The following IL1F10 variants were observed in gnomAD, a reference collection of about 807,000 sequenced individuals.
IL1F10 encodes interleukin 1 family member 10, also known as interleukin-1 family member 10.
In IL1F10, 13 loss-of-function variants were observed where a neutral mutation model predicts 13.1. The observed-to-expected ratio is 0.99, with a 90% CI of 0.64 to 1.57. IL1F10 has a LOEUF of 1.57. IL1F10 is among the 40% of genes most tolerant of loss of function. The probability of loss-of-function intolerance (pLI) is 0.00; values close to 1 mark genes in which losing one functional copy is unlikely to be tolerated. For missense variants in IL1F10, 191 were observed against 184.1 expected (o/e 1.04, Z -0.22); for synonymous variants, 78 against 68.2 (o/e 1.14, Z -0.71).
At position 113,074,371 on chromosome 2, in the gene IL1F10, C is replaced by T. The variant is rs1685896218; in HGVS notation, c.75C>T (p.Gly25=). 1 of 1,613,802 alleles carries T rather than the reference C, an allele frequency of 6.2e-7. No individual in the cohort carries two copies. Among genetic ancestry groups the T allele is most frequent in the Non-Finnish European group, 8.5e-7 (1 of 1,179,704 alleles). ...ADQKALYTRD[G]QLLVGDPVAD... is the part of the protein sequence containing the mutation. ...AGAAGGCTCTATACACAAGAGATGG[C>T]CAGCTGCTGGTGGGAGATCCTGTTG... Residue 25 remains glycine, a synonymous_variant, in exon 3 of 5, where the codon GGC becomes GGT. Coordinates refer to ENST00000341010, the MANE Select transcript of IL1F10 (RefSeq NM_173161.3).
intron 2 of IL1F10, among the ~76,000 whole-genome samples, chr2:113,073,355 T>A (rs1162461195): frequency 6.6e-6 from 1 of 152,220 alleles, no homozygotes; most frequent in Non-Finnish European, 1.5e-5. Context: ...GGGATGCATT[T>A]CCTCTGCCCC....
intron 4 of IL1F10, 138 bp downstream of exon 4, chr2:113,074,988 C>T: frequency 8.0e-7 from 1 of 1,252,222 alleles, no homozygotes; most frequent in Non-Finnish European, 1.1e-6. Flanking sequence ...CCATCTCCCT[C>T]TGCACCTAGC....
In IL1F10 at chr2:113,074,794, G is replaced by C; in HGVS notation, c.190G>C (p.Gly64Arg). The part of the protein sequence containing the change: ...KVPIFLGIQG[G>R]SRCLACVETE... ...CCCCATTTTCCTGGGGATCCAGGGA[G>C]GGAGCCGCTGCCTGGCATGTGTGGA... Residue 64 changes from glycine (G) to arginine (R), a missense_variant, in exon 4 of 5, where the codon GGG (glycine) becomes CGG (arginine). By Grantham distance (125) the Gly-to-Arg change is moderately radical. Coordinates refer to ENST00000341010, the MANE Select transcript of IL1F10 (RefSeq NM_173161.3). The C allele has an allele frequency of 6.2e-7, 1 of 1,613,782 alleles. No individual in the cohort carries two copies. Among genetic ancestry groups the C allele is most frequent in the Non-Finnish European group, 8.5e-7 (1 of 1,180,018 alleles).
chr2:113,074,495 G>T lies in IL1F10; in HGVS notation c.118+81G>T, dbSNP rs13406688. On this transcript the variant is annotated intron_variant, in intron 3 of 4. Coordinates refer to ENST00000341010, the MANE Select transcript of IL1F10 (RefSeq NM_173161.3). Reference sequence around the variant, plus strand: ...TTCTTCCCTTTCCTCCCCAGCAGAGGGTCAGCAGCTGCCCCCAGTGACAGT... The same window carrying T: ...TTCTTCCCTTTCCTCCCCAGCAGAGTGTCAGCAGCTGCCCCCAGTGACAGT... 6,362 of 1,228,542 alleles carry T rather than the reference G, an allele frequency of 5.2e-3. 254 individuals are homozygous for T. In the African/African-American group the frequency reaches 0.085, roughly 16 times the overall value. The allele number at this position is 1,228,542 out of a possible 1,614,324, so 76.1% of individuals were successfully genotyped here.
Position 113,068,665 on chromosome 2 carries a change from G to A in IL1F10, c.-29+649G>A, listed in dbSNP as rs1344555119. Among the ~76,000 whole-genome samples, 5 of 152,150 alleles carry A rather than the reference G, an allele frequency of 3.3e-5. No homozygotes were observed. In the East Asian group the frequency reaches 9.6e-4, roughly 29 times the overall value. ...TCTGCTCTGTGTGTTTCTATGTCCT[G>A]GCCACAAGGACCAGGGTAGTTCAAT... On this transcript the variant is annotated intron_variant, in intron 1 of 4. Coordinates refer to ENST00000341010, the MANE Select transcript of IL1F10 (RefSeq NM_173161.3).
chr2:113,070,715 T>C (rs941945723), intron 1 of IL1F10, among the ~76,000 whole-genome samples: 1 of 152,194 alleles, frequency 6.6e-6, no homozygotes, highest in Non-Finnish European at 1.5e-5. Context: ...ACCAGCAGCA[T>C]TGACATCACC....
chr2:113,072,535 G>T (rs1403614127), intron 1 of IL1F10, 176 bp from the exon 2 acceptor site: 3 of 545,922 alleles, frequency 5.5e-6, no homozygotes, highest in Non-Finnish European at 6.5e-6. Flanking sequence ...GAGAGGCAGA[G>T]CTGCCTGGAG....
chr2:113,074,640 C>T (rs1558848415), intron 3 of IL1F10, 83 bp from the exon 4 acceptor site: 1 of 1,553,736 alleles, frequency 6.4e-7, no homozygotes, highest in Non-Finnish European at 8.9e-7. Flanking sequence ...TGTCCAGTTC[C>T]TTCCTGCCTG....
chr2:113,074,954 A>G, intron 4 of IL1F10, 104 bp downstream of exon 4: 3 of 1,424,702 alleles, frequency 2.1e-6, no homozygotes, highest in Non-Finnish European at 9.7e-7. Flanking sequence ...CCAGGTCCAC[A>G]TGTCCTACTT....
At chr2:113,071,157 G>A (rs28928286) in intron 1 of IL1F10, among the ~76,000 whole-genome samples, 11,791 of 152,276 alleles carry the variant, frequency 0.077, 1,254 homozygotes, top group African/African-American at 0.23. Flanking sequence ...GTGTCTCTAT[G>A]TGTGGATTTA....
rs1685860229 is a variant in IL1F10, at chr2:113,072,699, C to T, written c.-28-12C>T. ...CCTCCTTTTCTAACTGCCCTTCTCT[C>T]CTCCCCATCAGTGAGGACCAGACAC... On this transcript the variant is annotated splice_polypyrimidine_tract_variant and intron_variant, in intron 1 of 4. Transcript: ENST00000341010. 1 of 1,595,482 alleles carries T rather than the reference C, an allele frequency of 6.3e-7. No homozygotes were observed.
chr2:113,071,193 T>A (rs557411906), intron 1 of IL1F10, among the ~76,000 whole-genome samples: 185 of 152,370 alleles, frequency 1.2e-3, no homozygotes, highest in African/African-American at 4.2e-3. Flanking sequence ...TACACTTGAT[T>A]TATAATCTGC....
chr2:113,073,750 G>A (rs1414810829), intron 2 of IL1F10, among the ~76,000 whole-genome samples: 1 of 152,290 alleles, frequency 6.6e-6, no homozygotes, highest in Admixed American at 6.5e-5. Flanking sequence ...TTTGTCCAGA[G>A]GTTCTGCCCT....
chr2:113,072,118 G>A (rs1191341140), intron 1 of IL1F10, among the ~76,000 whole-genome samples: 1 of 152,194 alleles, frequency 6.6e-6, no homozygotes, highest in Non-Finnish European at 1.5e-5. Flanking sequence ...GGGGAGTTTG[G>A]ATGGGCTGTT....
rs748868234 is a variant in IL1F10, at chr2:113,075,272, T to C, written c.367T>C (p.Cys123Arg). Reference sequence around the variant, plus strand: ...TGCTGCCTGGCCTGGCTGGTTCCTGTGTGGCCCGGCAGAGCCCCAGCAGCC... The same window carrying C: ...TGCTGCCTGGCCTGGCTGGTTCCTGCGTGGCCCGGCAGAGCCCCAGCAGCC... ...EAAAWPGWFLCGPAEPQQPVQ... is the reference protein window; with the variant it reads ...EAAAWPGWFLRGPAEPQQPVQ... Residue 123 changes from cysteine to arginine, a missense_variant, in exon 5 of 5, where the codon TGT (cysteine) becomes CGT (arginine). By Grantham distance (180) the Cys-to-Arg change is radical. Coordinates refer to ENST00000341010, the MANE Select transcript of IL1F10 (RefSeq NM_173161.3). The C allele has an allele frequency of 1.3e-5, 21 of 1,612,700 alleles. No individual in the cohort carries two copies. Among genetic ancestry groups the C allele is most frequent in the Non-Finnish European group, 1.7e-6 (2 of 1,179,052 alleles).
In IL1F10 at chr2:113,072,788, G is replaced by C. The variant is rs373769142; in HGVS notation, c.32+18G>C. On this transcript the variant is annotated intron_variant, in intron 2 of 4. Transcript: ENST00000341010. ...TACTACATGTAAGTTGTCCTGGCATGTCCCTGCTTTCCAAGCCAGGGGGTC... is the reference window on the plus strand; with the variant it reads ...TACTACATGTAAGTTGTCCTGGCATCTCCCTGCTTTCCAAGCCAGGGGGTC... 3.7e-6 allele frequency: 6 copies of C among 1,610,588 alleles called. No homozygotes were observed. The highest frequency in any genetic ancestry group is 5.1e-6 in the Non-Finnish European group (6 of 1,177,634).
At chr2:113,073,002 T>C (rs1685867105) in intron 2 of IL1F10, among the ~76,000 whole-genome samples, 1 of 152,216 alleles carries the variant, frequency 6.6e-6, no homozygotes, top group South Asian at 2.1e-4. Flanking sequence ...GGAGTGTTAT[T>C]AAACCCATTT....
Position 113,074,928 on chromosome 2 carries a change from A to G in IL1F10, c.246+78A>G, listed in dbSNP as rs554146850. 238 of 1,539,934 alleles carry G rather than the reference A, an allele frequency of 1.5e-4. No individual in the cohort carries two copies. In the African/African-American group the frequency reaches 2.7e-3, roughly 18 times the overall value. On this transcript the variant is annotated intron_variant, in intron 4 of 4. Transcript: ENST00000341010. ...GGGATGCTCTGGCATCTTTGTGCCT[A>G]TCTGTGGATTCCCAGCCAGGTCCAC...
chr2:113,072,834 A>AT, intron 2 of IL1F10, 64 bp downstream of exon 2: 1 of 1,428,244 alleles, frequency 7.0e-7, no homozygotes, highest in African/African-American at 1.4e-5. Flanking sequence ...GAGGAAAGGA[A>AT]TGCTGAGTCA....
Sources: gnomAD v4.1 joint callset for allele counts (sites outside exome capture counted in the v4.1 genomes callset) on GRCh38, gnomAD v4.1.1 for gene constraint, MANE v1.5 for transcripts, NCBI Gene and HGNC (gene_info 2026-07-23, HGNC 2026-07-21) for gene names.